Variants in RRM2B observed in about 807,000 individuals in gnomAD.
The protein encoded by RRM2B is ribonucleoside-diphosphate reductase subunit M2 B.
RRM2B carries 20 observed loss-of-function variants against 45.9 expected under a neutral mutation model. The observed-to-expected ratio is 0.44, with a 90% CI of 0.31 to 0.63. The LOEUF (loss-of-function observed/expected upper bound fraction) is 0.63, where lower values mean the gene tolerates loss of function less well. RRM2B is among the 30% of genes least tolerant of loss of function. The probability of loss-of-function intolerance (pLI) is 0.09; values close to 1 mark genes in which losing one functional copy is unlikely to be tolerated. For missense variants in RRM2B, 320 were observed against 414.7 expected (o/e 0.77, Z 1.98); for synonymous variants, 124 against 132.3 (o/e 0.94, Z 0.43).
At position 102,208,301 on chromosome 8, in the gene RRM2B, ATAT is replaced by A. The variant is rs1386891442; in HGVS notation, c.904-19_904-17del. The stretch of plus-strand genomic sequence containing the variant: ...CCTGAAAAACCTAAAAAGGAAAGAA[ATAT>A]TATTAGACATTCTGAAGAGATCAAA... On this transcript the variant is annotated splice_polypyrimidine_tract_variant and intron_variant, in intron 8 of 8. Coordinates refer to ENST00000251810, the MANE Select transcript of RRM2B (RefSeq NM_015713.5). The A allele has an allele frequency of 2.0e-6, 3 of 1,497,234 alleles. No individual in the cohort carries two copies. Among genetic ancestry groups the A allele is most frequent in the Non-Finnish European group, 2.8e-6 (3 of 1,075,324 alleles). The allele number at this position is 1,497,234 out of a possible 1,614,324, so 92.7% of individuals were successfully genotyped here. A position where few individuals can be genotyped will look rare whatever the true frequency, so the allele number is the denominator to read the frequency against.
At chr8:102,211,207 G>A (rs956312789) in intron 8 of RRM2B, among the ~76,000 whole-genome samples, 7 of 152,172 alleles carry the variant, frequency 4.6e-5, no homozygotes, top group Admixed American at 1.3e-4. Context: ...TGTTGCCTAG[G>A]CTGGTCTCAA....
Position 102,205,427 on chromosome 8 carries a change from T to C in RRM2B, c.*2706A>G, listed in dbSNP as rs1472756476. On this transcript the variant is annotated 3_prime_UTR_variant, in exon 9 of 9. Transcript: ENST00000251810. ...AGACAATTATAAAAATTTCATGTAT[T>C]AATATCAAGACAAGGCTGGGGCCAG... 1.3e-5 allele frequency: 2 copies of C among 152,182 alleles called. No homozygotes were observed. Among genetic ancestry groups the C allele is most frequent in the Non-Finnish European group, 2.9e-5 (2 of 67,998 alleles). The allele number at this position is 152,182 out of a possible 1,614,324, so 9.4% of individuals were successfully genotyped here.
At chr8:102,234,949 G>A (rs1296819764) in intron 1 of RRM2B, 1 of 153,158 alleles carries the variant, frequency 6.5e-6, no homozygotes, top group Admixed American at 6.5e-5. Context: ...TTTTTACAGG[G>A]TTAATAAAAG....
intron 5 of RRM2B, among the ~76,000 whole-genome samples, chr8:102,219,928 G>A (rs1384354585): frequency 2.0e-5 from 3 of 152,150 alleles, no homozygotes; most frequent in African/African-American, 7.2e-5. Flanking sequence ...AGTACTAGAT[G>A]AGAGAAGACA....
At chr8:102,226,754 G>A (rs542297891) in intron 2 of RRM2B, among the ~76,000 whole-genome samples, 24 of 152,132 alleles carry the variant, frequency 1.6e-4, no homozygotes, top group African/African-American at 4.8e-4. Context: ...TCGCTCTGTC[G>A]CCAGGCTAGA....
intron 5 of RRM2B, among the ~76,000 whole-genome samples, chr8:102,221,129 A>G (rs1200922903): frequency 6.6e-6 from 1 of 152,138 alleles, no homozygotes; most frequent in Non-Finnish European, 1.5e-5. Flanking sequence ...ATTAAACAGG[A>G]TGTCTCAATT....
chr8:102,238,733 C>T (rs759787344), intron 1 of RRM2B, 94 bp downstream of exon 1: 15 of 1,599,254 alleles, frequency 9.4e-6, no homozygotes, highest in Non-Finnish European at 1.7e-6. Flanking sequence ...GTCCTGACCG[C>T]GGCGAATAAC....
Position 102,218,962 on chromosome 8 carries a change from A to G in RRM2B, c.551-15T>C, listed in dbSNP as rs774690453. On this transcript the variant is annotated splice_polypyrimidine_tract_variant and intron_variant, in intron 5 of 8. Coordinates refer to ENST00000251810, the MANE Select transcript of RRM2B (RefSeq NM_015713.5). ...CACTCTTTCCCCTGGGAGACATAAA[A>G]TCGTTTCAATTTTTGAAATATACTG... 6.2e-7 allele frequency: 1 copy of G among 1,612,160 alleles called. No homozygotes were observed. The highest frequency in any genetic ancestry group is 1.3e-5 in the African/African-American group (1 of 74,862).
chr8:102,224,029 A>C lies in RRM2B; in HGVS notation c.550+17T>G. 1.9e-6 allele frequency: 3 copies of C among 1,571,172 alleles called. No homozygotes were observed. The highest frequency in any genetic ancestry group is 1.8e-6 in the Non-Finnish European group (2 of 1,141,250). On this transcript the variant is annotated intron_variant, in intron 5 of 8. Transcript: ENST00000251810. ...ACCTTAGGCAAATCTGATCATACAT[A>C]AATTAGAGCCACATACCAAAAGTAG...
chr8:102,205,248 T>C lies in RRM2B; in HGVS notation c.*2885A>G, dbSNP rs29000291. 2.6e-5 allele frequency: 4 copies of C among 152,334 alleles called. No homozygotes were observed. Among genetic ancestry groups the C allele is most frequent in the Non-Finnish European group, 5.9e-5 (4 of 67,998 alleles). The allele number at this position is 152,334 out of a possible 1,614,324, so 9.4% of individuals were successfully genotyped here. ...CTACAAATGAAATTTGGGAATTCTA[T>C]GACAGTGATGTTAGCATATTTAAAT... On this transcript the variant is annotated 3_prime_UTR_variant, in exon 9 of 9. Coordinates refer to ENST00000251810, the MANE Select transcript of RRM2B (RefSeq NM_015713.5).
rs192970012 is a variant in RRM2B at position 102,209,125 on chromosome 8, G to A, written c.904-840C>T. ...AGATCATGCCATTGCACTGTAGCCT[G>A]GGCAACAGAGTAAGACTCCATTTCA... On this transcript the variant is annotated intron_variant, in intron 8 of 8. Transcript: ENST00000251810. Among the ~76,000 whole-genome samples, 15 of 152,216 alleles carry A rather than the reference G, an allele frequency of 9.9e-5. 1 individual carries two copies. The East Asian group carries it at 2.7e-3, about 27-fold the overall frequency.
rs1335270591 is a variant in RRM2B, at chr8:102,204,942, T to G, written c.*3191A>C. On this transcript the variant is annotated 3_prime_UTR_variant, in exon 9 of 9. Transcript: ENST00000251810. ...GCCCCAAATTGAAGGGATTAAATCC[T>G]TTCTTCCTAATGCCTCGGGAATATG... 6.6e-6 allele frequency: 1 copy of G among 152,212 alleles called. No individual in the cohort carries two copies. The highest frequency in any genetic ancestry group is 1.5e-5 in the Non-Finnish European group (1 of 68,022). The allele number at this position is 152,212 out of a possible 1,614,324, so 9.4% of individuals were successfully genotyped here. A position where few individuals can be genotyped will look rare whatever the true frequency, so the allele number is the denominator to read the frequency against.
At chr8:102,233,098 CA>C (rs1281031694) in intron 1 of RRM2B, among the ~76,000 whole-genome samples, 1 of 152,154 alleles carries the variant, frequency 6.6e-6, no homozygotes, top group Non-Finnish European at 1.5e-5. Flanking sequence ...AAAGGACATA[CA>C]AATAAGCTAA....
intron 5 of RRM2B, among the ~76,000 whole-genome samples, chr8:102,220,928 T>G (rs925168863): frequency 6.6e-6 from 1 of 152,176 alleles, no homozygotes; most frequent in Non-Finnish European, 1.5e-5. Context: ...CTATAGTGAA[T>G]GTAAAGGCCT....
chr8:102,224,564 T>C (rs1437437443), intron 4 of RRM2B, among the ~76,000 whole-genome samples: 1 of 152,212 alleles, frequency 6.6e-6, no homozygotes, highest in African/African-American at 2.4e-5. Context: ...TTTTATACAT[T>C]TTTACATGTC....
At chr8:102,238,675 G>A (rs573702342) in intron 1 of RRM2B, 152 bp downstream of exon 1, 3 of 1,542,364 alleles carry the variant, frequency 1.9e-6, no homozygotes, top group Middle Eastern at 1.7e-4. Context: ...CCTCCCCGGC[G>A]CTCGCAACGA....
At chr8:102,216,545 T>C (rs977749306) in intron 6 of RRM2B, among the ~76,000 whole-genome samples, 23 of 152,160 alleles carry the variant, frequency 1.5e-4, no homozygotes, top group African/African-American at 5.3e-4. Flanking sequence ...AAGGACCCAA[T>C]CAGTCACTGT....
At chr8:102,216,610 T>C (rs763978256) in intron 6 of RRM2B, among the ~76,000 whole-genome samples, 2 of 152,100 alleles carry the variant, frequency 1.3e-5, no homozygotes. Flanking sequence ...TTAAGTATAA[T>C]AGACTACTGA....
In RRM2B at chr8:102,238,823, T is replaced by G. The variant is rs1419215422; in HGVS notation, c.48+4A>C. On this transcript the variant is annotated splice_donor_region_variant and intron_variant, in intron 1 of 8. Coordinates refer to ENST00000251810, the MANE Select transcript of RRM2B (RefSeq NM_015713.5). ...GAGGGGGAAGACGCAACAGCAACAT[T>G]TACCTCATCCTGATCCAGCCCGGCC... The G allele has an allele frequency of 6.2e-7, 1 of 1,613,622 alleles. No individual in the cohort carries two copies. Among genetic ancestry groups the G allele is most frequent in the Non-Finnish European group, 8.5e-7 (1 of 1,179,902 alleles).
Sources: allele counts gnomAD v4.1 joint callset (sites outside exome capture counted in the v4.1 genomes callset), GRCh38; gene constraint gnomAD v4.1.1; transcripts MANE v1.5; gene names NCBI Gene and HGNC (gene_info 2026-07-23, HGNC 2026-07-21).